The following PTPN4 variants were observed in gnomAD, a reference collection of about 807,000 sequenced individuals.
PTPN4 encodes the protein protein tyrosine phosphatase non-receptor type 4.
Under a neutral mutation model 135.5 loss-of-function variants are expected in PTPN4, and 49 were observed. The ratio of observed to expected loss-of-function variants is 0.36; its 90% CI spans 0.29 to 0.46. The LOEUF (loss-of-function observed/expected upper bound fraction) is 0.46. PTPN4 is among the 20% of genes least tolerant of loss of function. The pLI is 1.00. For synonymous variants in PTPN4, 333 were observed against 369.9 expected (o/e 0.90, Z 1.14); for missense variants, 860 against 1,101.0 (o/e 0.78, Z 3.10).
chr2:119,812,436 T>C (rs1279577858), intron 2 of PTPN4, among the ~76,000 whole-genome samples: 2 of 152,350 alleles, frequency 1.3e-5, no homozygotes, highest in Middle Eastern at 3.4e-3. Flanking sequence ...AAAATATTCA[T>C]GTTGCCAAAG....
Position 119,882,538 on chromosome 2 carries a change from T to C in PTPN4, c.502T>C (p.Ser168Pro), listed in dbSNP as rs2105002655. ...LGDYDQSENLSGYLSDYSFIP... is the reference protein window; with the variant it reads ...LGDYDQSENLPGYLSDYSFIP... ...AGACTACGATCAGTCAGAGAACTTG[T>C]CAGGCTACCTCTCAGATTATTCTTT... The change falls in exon 8 of 27, where the codon TCA becomes CCA. Residue 168 changes from serine to proline, a missense_variant. Coordinates refer to ENST00000263708, the MANE Select transcript of PTPN4 (RefSeq NM_002830.4). 1 of 1,548,622 alleles carries C rather than the reference T, an allele frequency of 6.5e-7. No homozygotes were observed. The highest frequency in any genetic ancestry group is 8.8e-7 in the Non-Finnish European group (1 of 1,139,702).
chr2:119,845,881 G>C (rs1677491237), intron 2 of PTPN4, among the ~76,000 whole-genome samples: 1 of 152,000 alleles, frequency 6.6e-6, no homozygotes, highest in African/African-American at 2.4e-5. Flanking sequence ...GTGATATGTT[G>C]TTATCTTCAT....
intron 26 of PTPN4, among the ~76,000 whole-genome samples, chr2:119,970,418 C>G (rs2105065153): frequency 6.6e-6 from 1 of 152,084 alleles, no homozygotes; most frequent in South Asian, 2.1e-4. Context: ...AAACCCCAAG[C>G]TCATTAACAA....
rs1282224986 is a variant in PTPN4 at position 119,981,561 on chromosome 2, A to G, written c.*4491A>G. 2 of 152,152 alleles carry G rather than the reference A, an allele frequency of 1.3e-5. No individual in the cohort carries two copies. Among genetic ancestry groups the G allele is most frequent in the Non-Finnish European group, 2.9e-5 (2 of 67,984 alleles). The allele number at this position is 152,152 out of a possible 1,614,324, so 9.4% of individuals were successfully genotyped here. On this transcript the variant is annotated 3_prime_UTR_variant, in exon 27 of 27. Transcript: ENST00000263708. ...AAAACTCTTAGAGAATTATGTAGAT[A>G]AAATGGAAATTACATAATCCTAAAA...
chr2:119,787,207 C>T lies in PTPN4; in HGVS notation c.-17-22630C>T, dbSNP rs559427790. Among the ~76,000 whole-genome samples, 71 of 152,288 alleles carry T rather than the reference C, an allele frequency of 4.7e-4. No individual in the cohort carries two copies. In the South Asian group the frequency reaches 7.5e-3, roughly 16 times the overall value. On this transcript the variant is annotated intron_variant, in intron 1 of 26. Transcript: ENST00000263708. Reference sequence around the variant, plus strand: ...TCTCAAAGGGATTACCAGTATCCTGCCTGGGCAATAAACCTGGCTGCTAGT... The same window carrying T: ...TCTCAAAGGGATTACCAGTATCCTGTCTGGGCAATAAACCTGGCTGCTAGT...
At chr2:119,930,271 T>G (rs560133983) in intron 13 of PTPN4, among the ~76,000 whole-genome samples, 30 of 152,276 alleles carry the variant, frequency 2.0e-4, no homozygotes, top group African/African-American at 7.2e-4. Context: ...ATTCCATGTC[T>G]TATAAAATGC....
intron 2 of PTPN4, among the ~76,000 whole-genome samples, chr2:119,825,803 GC>G (rs1265455772): frequency 6.6e-6 from 1 of 152,022 alleles, no homozygotes; most frequent in Non-Finnish European, 1.5e-5. Context: ...GCCAATCCAA[GC>G]CCTTTGACCC....
intron 15 of PTPN4, among the ~76,000 whole-genome samples, chr2:119,938,689 GGATT>G (rs1679020648): frequency 6.6e-6 from 1 of 152,022 alleles, no homozygotes; most frequent in Non-Finnish European, 1.5e-5. Flanking sequence ...CCAAAAAAAG[GGATT>G]TAAAATAGTC....
chr2:119,927,082 T>A (rs901283015), intron 13 of PTPN4, among the ~76,000 whole-genome samples: 35 of 152,032 alleles, frequency 2.3e-4, no homozygotes, highest in African/African-American at 7.9e-4. Flanking sequence ...TTATTGTCTT[T>A]ATTTCTTTAG....
chr2:119,895,655 CT>C (rs1284781786), intron 9 of PTPN4, among the ~76,000 whole-genome samples: 1 of 152,076 alleles, frequency 6.6e-6, no homozygotes. Flanking sequence ...GGTGCAGTGG[CT>C]CACGCCTGTA....
At chr2:119,909,386 C>T (rs1415467091) in intron 10 of PTPN4, among the ~76,000 whole-genome samples, 1 of 152,160 alleles carries the variant, frequency 6.6e-6, no homozygotes, top group Admixed American at 6.5e-5. Context: ...TGGATGACCA[C>T]ACATCTGTTT....
rs1412302568 is a variant in PTPN4 at position 119,984,415 on chromosome 2, A to C, written c.*7345A>C. On this transcript the variant is annotated 3_prime_UTR_variant, in exon 27 of 27. Transcript: ENST00000263708. The stretch of plus-strand genomic sequence containing the variant: ...TTCATTTCATGTTTGATTCTATTAA[A>C]CTAGTGGCAAAACAGAATTGGTCCC... Among the ~76,000 whole-genome samples the C allele has an allele frequency of 6.6e-6, 1 of 152,178 alleles. No homozygotes were observed. Among genetic ancestry groups the C allele is most frequent in the African/African-American group, 2.4e-5 (1 of 41,442 alleles).
intron 2 of PTPN4, among the ~76,000 whole-genome samples, chr2:119,847,033 G>A (rs1677509332): frequency 6.6e-6 from 1 of 150,638 alleles, no homozygotes. Context: ...TGTATATATA[G>A]AAATTGTATA....
At chr2:119,778,868 AC>A (rs1299635451) in intron 1 of PTPN4, among the ~76,000 whole-genome samples, 1 of 151,666 alleles carries the variant, frequency 6.6e-6, no homozygotes, top group East Asian at 1.9e-4. Context: ...GTCCAGTGTT[AC>A]GCATTCCTGT....
intron 2 of PTPN4, among the ~76,000 whole-genome samples, chr2:119,817,800 T>C (rs539489669): frequency 1.3e-5 from 2 of 152,376 alleles, no homozygotes; most frequent in South Asian, 4.1e-4. Context: ...TCCATGAGCA[T>C]GGAATGTTTT....
chr2:119,916,196 T>C (rs1678651039), intron 11 of PTPN4: 1 of 139,006 alleles, frequency 7.2e-6, no homozygotes, highest in Non-Finnish European at 1.5e-5. Context: ...GGAGGCCCTG[T>C]CTCAAAAAAA....
chr2:119,850,535 C>T (rs898886863), intron 2 of PTPN4, among the ~76,000 whole-genome samples: 8 of 152,184 alleles, frequency 5.3e-5, no homozygotes, highest in African/African-American at 1.9e-4. Flanking sequence ...TCCTATATCC[C>T]TTGACTAGGA....
In PTPN4 at chr2:119,795,586, C is replaced by T. The variant is rs1033811993; in HGVS notation, c.-17-14251C>T. Among the ~76,000 whole-genome samples, 18 of 152,332 alleles carry T rather than the reference C, an allele frequency of 1.2e-4. No homozygotes were observed. The East Asian group carries it at 1.9e-3, about 16-fold the overall frequency. ...AACTTGGCTCCACAGTCGGAGCTGG[C>T]GTTGACAACAGGGAGAGGCCAGGCA... On this transcript the variant is annotated intron_variant, in intron 1 of 26. Coordinates refer to ENST00000263708, the MANE Select transcript of PTPN4 (RefSeq NM_002830.4).
At chr2:119,776,416 C>T (rs1417758505) in intron 1 of PTPN4, among the ~76,000 whole-genome samples, 6 of 152,170 alleles carry the variant, frequency 3.9e-5, no homozygotes, top group Admixed American at 1.3e-4. Context: ...CCTTGTGATC[C>T]GCCCTCCTCG....
Sources: gnomAD v4.1 joint callset for allele counts (sites outside exome capture counted in the v4.1 genomes callset) on GRCh38, gnomAD v4.1.1 for gene constraint, MANE v1.5 for transcripts, NCBI Gene and HGNC (gene_info 2026-07-23, HGNC 2026-07-21) for gene names.